MARCHF1: variants seen among roughly 807,000 people sequenced by gnomAD.
MARCHF1 encodes E3 ubiquitin-protein ligase MARCHF1.
In MARCHF1, 40 loss-of-function variants were observed where a neutral mutation model predicts 54.2. That is an observed-to-expected ratio of 0.74 (90% CI 0.57 to 0.96). MARCHF1 has a LOEUF of 0.96. Ranked by LOEUF, MARCHF1 falls within the 40% of genes least tolerant of loss-of-function variation. The pLI, the probability that MARCHF1 is intolerant of heterozygous loss-of-function variation, is 0.00. For missense variants in MARCHF1, 586 were observed against 656.5 expected (o/e 0.89, Z 1.17); for synonymous variants, 236 against 236.3 (o/e 1.00, Z 0.01).
chr4:163,820,908 G>A (rs1748674938), intron 4 of MARCHF1, among the ~76,000 whole-genome samples: 1 of 152,082 alleles, frequency 6.6e-6, no homozygotes, highest in Admixed American at 6.6e-5. Flanking sequence ...TATAGTGTGG[G>A]CTGAGCTTTT....
intron 1 of MARCHF1, among the ~76,000 whole-genome samples, chr4:164,248,576 T>G (rs1733027924): frequency 6.6e-6 from 1 of 152,074 alleles, no homozygotes; most frequent in Non-Finnish European, 1.5e-5. Context: ...ACCTAAATTT[T>G]CATATCCACA....
chr4:164,362,115 G>A (rs576780432), intron 1 of MARCHF1, among the ~76,000 whole-genome samples: 2 of 152,026 alleles, frequency 1.3e-5, no homozygotes, highest in Non-Finnish European at 2.9e-5. Flanking sequence ...TATGACTGGG[G>A]TATGGAGGTA....
chr4:163,944,398 CTGA>C (rs893019886), intron 3 of MARCHF1, among the ~76,000 whole-genome samples: 1 of 152,164 alleles, frequency 6.6e-6, no homozygotes, highest in Non-Finnish European at 1.5e-5. Context: ...GCTGCTTCAC[CTGA>C]TGTCACACCT....
intron 1 of MARCHF1, among the ~76,000 whole-genome samples, chr4:164,153,562 T>C (rs1430983): frequency 0.2 from 29,907 of 152,042 alleles, 4,806 homozygotes; most frequent in African/African-American, 0.43. Flanking sequence ...AAAAGCAATT[T>C]GGCCAACTTT....
intron 1 of MARCHF1, among the ~76,000 whole-genome samples, chr4:164,356,780 C>CAAAAAAAAAAAAAAAAAAGAAAA (rs58855405): frequency 9.7e-6 from 1 of 103,276 alleles, no homozygotes; most frequent in African/African-American, 3.5e-5. Context: ...AAAAGAAAAG[C>CAAAAAAAAAAAAAAAAAAGAAAA]AAAAAAAAAA....
intron 1 of MARCHF1, among the ~76,000 whole-genome samples, chr4:164,308,691 A>G (rs1245632855): frequency 6.6e-6 from 1 of 152,152 alleles, no homozygotes; most frequent in Non-Finnish European, 1.5e-5. Flanking sequence ...CAGGATAAGA[A>G]ACAATGTTAG....
At chr4:163,682,075 G>A (rs1313580278) in intron 5 of MARCHF1, among the ~76,000 whole-genome samples, 1 of 152,172 alleles carries the variant, frequency 6.6e-6, no homozygotes, top group East Asian at 1.9e-4. Context: ...AGGCTGAGCT[G>A]GTCTCAGATG....
chr4:164,175,193 T>A (rs998047848), intron 1 of MARCHF1, among the ~76,000 whole-genome samples: 1 of 152,238 alleles, frequency 6.6e-6, no homozygotes, highest in Non-Finnish European at 1.5e-5. Context: ...TTACTTGATA[T>A]AATGGCTAGT....
At chr4:164,357,045 G>A (rs908949104) in intron 1 of MARCHF1, among the ~76,000 whole-genome samples, 3 of 151,002 alleles carry the variant, frequency 2.0e-5, no homozygotes, top group Non-Finnish European at 4.4e-5. Flanking sequence ...AAGATAATCT[G>A]TACAACAAAC....
intron 3 of MARCHF1, among the ~76,000 whole-genome samples, chr4:163,922,386 T>C (rs981267014): frequency 1.3e-5 from 2 of 151,944 alleles, no homozygotes; most frequent in African/African-American, 4.8e-5. Context: ...ATCAATATCG[T>C]TGAGGTTTTT....
chr4:163,675,799 T>G (rs1743891861), intron 5 of MARCHF1, among the ~76,000 whole-genome samples: 1 of 152,172 alleles, frequency 6.6e-6, no homozygotes, highest in Non-Finnish European at 1.5e-5. Flanking sequence ...CCTTAGAATC[T>G]TGGAGTTTAC....
At chr4:163,609,131 T>G (rs938004044) in intron 7 of MARCHF1, among the ~76,000 whole-genome samples, 1 of 152,060 alleles carries the variant, frequency 6.6e-6, no homozygotes, top group African/African-American at 2.4e-5. Context: ...AGGCTATGTA[T>G]AGTTCACTAA....
chr4:163,858,376 C>T (rs919897805), intron 3 of MARCHF1, among the ~76,000 whole-genome samples: 2 of 152,086 alleles, frequency 1.3e-5, no homozygotes, highest in African/African-American at 4.8e-5. Context: ...CTATTTCCTT[C>T]CTCAAATTTG....
chr4:163,914,141 G>A (rs909016612), intron 3 of MARCHF1, among the ~76,000 whole-genome samples: 2 of 151,964 alleles, frequency 1.3e-5, no homozygotes, highest in Non-Finnish European at 2.9e-5. Flanking sequence ...ATGCTGAGGA[G>A]CATTCAGCTT....
At position 164,280,878 on chromosome 4, in the gene MARCHF1, T is replaced by C. The variant is rs540832716; in HGVS notation, c.-323+102992A>G. 4.1e-4 allele frequency among the ~76,000 whole-genome samples: 63 copies of C among 152,286 alleles called. 1 individual carries two copies. Among genetic ancestry groups the C allele is most frequent in the African/African-American group, 1.5e-3 (62 of 41,564 alleles). ...TAGGTAGATATTAGTTGTAATTTTA[T>C]AGTTCTAAAAATTTGCCTGATTCTA... On this transcript the variant is annotated intron_variant, in intron 1 of 9. Coordinates refer to ENST00000514618, the MANE Select transcript of MARCHF1 (RefSeq NM_001394959.1).
chr4:164,250,917 C>T (rs937560308), intron 1 of MARCHF1, among the ~76,000 whole-genome samples: 5 of 151,982 alleles, frequency 3.3e-5, no homozygotes, highest in African/African-American at 1.2e-4. Flanking sequence ...CTAAATTACT[C>T]CCTACCTCTT....
chr4:163,814,983 G>A (rs1271995851), intron 4 of MARCHF1, among the ~76,000 whole-genome samples: 1 of 152,008 alleles, frequency 6.6e-6, no homozygotes, highest in African/African-American at 2.4e-5. Context: ...CTTAAAAAAT[G>A]AAATGAAAAG....
chr4:164,070,900 T>A (rs1754849671), intron 2 of MARCHF1, among the ~76,000 whole-genome samples: 1 of 152,172 alleles, frequency 6.6e-6, no homozygotes, highest in South Asian at 2.1e-4. Context: ...GGGAGGCCCT[T>A]CTCCTACTGT....
rs1560957429 is a variant in MARCHF1, at chr4:163,585,894, A to AG, written c.1045dup (p.Leu349ProfsTer32). 1 of 1,612,914 alleles carries AG rather than the reference A, an allele frequency of 6.2e-7. No individual in the cohort carries two copies. Among genetic ancestry groups the AG allele is most frequent in the Non-Finnish European group, 8.5e-7 (1 of 1,179,604 alleles). On this transcript the variant is annotated frameshift_variant, in exon 8 of 10. Transcript: ENST00000514618. LOFTEE classifies it high-confidence loss of function. Reference sequence around the variant, plus strand: ...CCCAGTGCAGCGACAGGGTGTGATGAGGGGGCTCTCTTCATCCCCTTCGCA... The same window carrying AG: ...CCCAGTGCAGCGACAGGGTGTGATGAGGGGGGCTCTCTTCATCCCCTTCGCA...
Sources: gnomAD v4.1 joint callset for allele counts (sites outside exome capture counted in the v4.1 genomes callset) on GRCh38, gnomAD v4.1.1 for gene constraint, MANE v1.5 for transcripts, NCBI Gene and HGNC (gene_info 2026-07-23, HGNC 2026-07-21) for gene names.